The following PEX5L variants were observed in gnomAD, a reference collection of about 807,000 sequenced individuals.
PEX5L encodes the protein peroxisomal biogenesis factor 5 like.
PEX5L carries 30 observed loss-of-function variants against 84.0 expected under a neutral mutation model. The ratio of observed to expected loss-of-function variants is 0.36; its 90% CI spans 0.27 to 0.48. The LOEUF (loss-of-function observed/expected upper bound fraction) is 0.48. PEX5L is among the 20% of genes least tolerant of loss of function. The pLI is 0.99. For missense variants in PEX5L, 533 were observed against 754.6 expected, an observed-to-expected ratio of 0.71 and a Z score of 3.44; for synonymous variants, 270 against 283.1, an observed-to-expected ratio of 0.95 and a Z score of 0.46.
intron 2 of PEX5L, among the ~76,000 whole-genome samples, chr3:179,913,338 A>G (rs1370255856): frequency 6.6e-6 from 1 of 152,170 alleles, no homozygotes; most frequent in Admixed American, 6.5e-5. Context: ...TGGGTAATTT[A>G]TTCAATGATA....
chr3:179,929,633 C>A (rs774657434), intron 2 of PEX5L, among the ~76,000 whole-genome samples: 17 of 152,078 alleles, frequency 1.1e-4, no homozygotes, highest in Admixed American at 3.3e-4. Flanking sequence ...CATTTGGCAA[C>A]CGCCCCTGGT....
At chr3:179,872,636 A>T (rs770444634) in intron 7 of PEX5L, among the ~76,000 whole-genome samples, 2 of 152,246 alleles carry the variant, frequency 1.3e-5, no homozygotes, top group Non-Finnish European at 2.9e-5. Context: ...CTGGAATAAC[A>T]TAAATGCATC....
At chr3:179,939,643 C>T (rs1298402946) in intron 2 of PEX5L, among the ~76,000 whole-genome samples, 1 of 152,170 alleles carries the variant, frequency 6.6e-6, no homozygotes, top group Non-Finnish European at 1.5e-5. Context: ...TACAAAGGAG[C>T]AAAGTCAAAT....
At chr3:180,024,948 A>T (rs563545880) in intron 1 of PEX5L, among the ~76,000 whole-genome samples, 1 of 152,284 alleles carries the variant, frequency 6.6e-6, no homozygotes, top group African/African-American at 2.4e-5. Context: ...ATTCCACATG[A>T]TCTTGGCTGG....
intron 11 of PEX5L, among the ~76,000 whole-genome samples, chr3:179,810,624 G>A (rs992551595): frequency 6.6e-6 from 1 of 152,176 alleles, no homozygotes; most frequent in Non-Finnish European, 1.5e-5. Context: ...CTCAGGTGAT[G>A]ATGAGGTCTC....
chr3:179,979,540 C>A (rs1293217439), intron 1 of PEX5L, among the ~76,000 whole-genome samples: 1 of 152,074 alleles, frequency 6.6e-6, no homozygotes, highest in East Asian at 1.9e-4. Flanking sequence ...GGTTTTAACC[C>A]TGTCATCCCC....
intron 1 of PEX5L, among the ~76,000 whole-genome samples, chr3:179,987,966 C>G (rs952270881): frequency 1.3e-5 from 2 of 152,164 alleles, no homozygotes; most frequent in African/African-American, 4.8e-5. Context: ...GCCATTTCAA[C>G]TCTTTTGAGC....
chr3:179,815,773 A>G, intron 10 of PEX5L, 88 bp downstream of exon 10: 1 of 1,439,208 alleles, frequency 6.9e-7, no homozygotes, highest in South Asian at 1.2e-5. Flanking sequence ...TTACTTGATG[A>G]AAAGCTGACC....
chr3:179,804,982 G>T (rs1720658683), intron 14 of PEX5L, among the ~76,000 whole-genome samples: 1 of 151,824 alleles, frequency 6.6e-6, no homozygotes, highest in South Asian at 2.1e-4. Context: ...AGCCAGGCAT[G>T]GTGGTGGGCG....
At chr3:179,973,759 T>C in intron 1 of PEX5L, 1 of 985,424 alleles carries the variant, frequency 1.0e-6, no homozygotes, top group Non-Finnish European at 1.2e-6. Flanking sequence ...TAAATTTTCC[T>C]GGGAAGAGGC....
chr3:180,020,654 G>C (rs77072267), intron 1 of PEX5L, among the ~76,000 whole-genome samples: 2 of 152,000 alleles, frequency 1.3e-5, no homozygotes, highest in African/African-American at 4.8e-5. Flanking sequence ...TGTTTTGCCT[G>C]TTGGCTTATA....
intron 7 of PEX5L, among the ~76,000 whole-genome samples, chr3:179,868,636 CTAG>C (rs772942118): frequency 6.6e-5 from 10 of 152,076 alleles, no homozygotes; most frequent in South Asian, 2.1e-4. Flanking sequence ...TTGCCCAGAT[CTAG>C]GAAAGATTAA....
At chr3:179,850,420 C>G (rs894923770) in intron 8 of PEX5L, among the ~76,000 whole-genome samples, 6 of 152,278 alleles carry the variant, frequency 3.9e-5, no homozygotes, top group African/African-American at 1.4e-4. Context: ...AGCCACCGTG[C>G]CAGGCCTTAT....
rs572819582 is a variant in PEX5L at position 179,994,246 on chromosome 3, C to A, written c.22-22581G>T. The stretch of plus-strand genomic sequence containing the variant: ...CATCCCATAGATAAATGGGAAATAA[C>A]AAATGTTTGAAGTTTAAGCTGCTAC... On this transcript the variant is annotated intron_variant, in intron 1 of 14. Transcript: ENST00000467460. Among the ~76,000 whole-genome samples the A allele has an allele frequency of 1.2e-4, 19 of 152,298 alleles. No homozygotes were observed. The East Asian group carries it at 3.3e-3, about 26-fold the overall frequency.
intron 1 of PEX5L, among the ~76,000 whole-genome samples, chr3:179,982,610 A>G (rs1398580743): frequency 2.0e-5 from 3 of 152,200 alleles, no homozygotes; most frequent in African/African-American, 4.8e-5. Context: ...GCACTGTAAG[A>G]GTTCCTTTGA....
intron 2 of PEX5L, among the ~76,000 whole-genome samples, chr3:179,943,101 A>T (rs1776602114): frequency 6.6e-6 from 1 of 152,232 alleles, no homozygotes; most frequent in South Asian, 2.1e-4. Flanking sequence ...TGAGTTGAAT[A>T]TTATTGTTGT....
intron 2 of PEX5L, among the ~76,000 whole-genome samples, chr3:179,944,824 T>TA: frequency 6.6e-6 from 1 of 152,210 alleles, no homozygotes; most frequent in East Asian, 1.9e-4. Flanking sequence ...ACTCTATCTC[T>TA]ACACATACAG....
At chr3:179,829,629 T>A (rs552799842) in intron 8 of PEX5L, among the ~76,000 whole-genome samples, 1 of 152,348 alleles carries the variant, frequency 6.6e-6, no homozygotes, top group Admixed American at 6.5e-5. Flanking sequence ...TAGCTACAAC[T>A]AAGCAACCTT....
At chr3:179,938,064 C>G (rs1297925417) in intron 2 of PEX5L, among the ~76,000 whole-genome samples, 1 of 151,910 alleles carries the variant, frequency 6.6e-6, no homozygotes, top group Non-Finnish European at 1.5e-5. Flanking sequence ...TCACTAACAC[C>G]ATACAATTAT....
Sources: gnomAD v4.1 joint callset for allele counts (sites outside exome capture counted in the v4.1 genomes callset) on GRCh38, gnomAD v4.1.1 for gene constraint, MANE v1.5 for transcripts, NCBI Gene and HGNC (gene_info 2026-07-23, HGNC 2026-07-21) for gene names.